The following GALNT10 variants were observed in gnomAD, a reference collection of about 807,000 sequenced individuals.
GALNT10 encodes polypeptide N-acetylgalactosaminyltransferase 10, also known as GalNAc transferase 10.
Under a neutral mutation model 75.0 loss-of-function variants are expected in GALNT10, and 41 were observed. The ratio of observed to expected loss-of-function variants is 0.55; its 90% CI spans 0.43 to 0.71. The LOEUF is 0.71. GALNT10 is among the 30% of genes least tolerant of loss of function. The pLI is 0.00. For missense variants in GALNT10, 727 were observed against 818.5 expected, an observed-to-expected ratio of 0.89 and a Z score of 1.36; for synonymous variants, 302 against 313.0, an observed-to-expected ratio of 0.96 and a Z score of 0.37.
chr5:154,350,471 A>G (rs565582525), intron 4 of GALNT10, among the ~76,000 whole-genome samples: 1 of 152,338 alleles, frequency 6.6e-6, no homozygotes, highest in South Asian at 2.1e-4. Context: ...TAGCAATTCC[A>G]TCTCTAGAGA....
rs148374119 is a variant in GALNT10 at position 154,357,254 on chromosome 5, G to A, written c.569-19023G>A. Among the ~76,000 whole-genome samples, 111 of 152,318 alleles carry A rather than the reference G, an allele frequency of 7.3e-4. 1 individual carries two copies. In the East Asian group the frequency reaches 0.014, roughly 19 times the overall value. ...CAAGGCAGGGGTTAAGTGCAGGAAA[G>A]CCAAGGCTACAGATGGGGATGTATA... On this transcript the variant is annotated intron_variant, in intron 4 of 11. Coordinates refer to ENST00000297107, the MANE Select transcript of GALNT10 (RefSeq NM_198321.4).
At chr5:154,353,399 G>A (rs979234934) in intron 4 of GALNT10, among the ~76,000 whole-genome samples, 13 of 152,300 alleles carry the variant, frequency 8.5e-5, no homozygotes, top group African/African-American at 3.1e-4. Flanking sequence ...GCCACCCAGA[G>A]GAGTGGAGCA....
intron 7 of GALNT10, among the ~76,000 whole-genome samples, chr5:154,390,391 A>T (rs1755875618): frequency 6.6e-6 from 1 of 152,170 alleles, no homozygotes; most frequent in Non-Finnish European, 1.5e-5. Context: ...CTATAACCAG[A>T]TGTACTCTAA....
intron 1 of GALNT10, among the ~76,000 whole-genome samples, chr5:154,271,077 A>G (rs958042518): frequency 4.1e-4 from 62 of 151,940 alleles, no homozygotes; most frequent in African/African-American, 1.3e-3. Context: ...TTAAAAAAGG[A>G]TAAAGTGGAC....
At chr5:154,414,634 C>T (rs749526769) in intron 10 of GALNT10, among the ~76,000 whole-genome samples, 8 of 150,848 alleles carry the variant, frequency 5.3e-5, no homozygotes, top group Non-Finnish European at 8.8e-5. Flanking sequence ...GACACTTTTG[C>T]GGGGTAATGG....
chr5:154,204,836 G>T (rs537406726), intron 1 of GALNT10, among the ~76,000 whole-genome samples: 1 of 152,310 alleles, frequency 6.6e-6, no homozygotes, highest in African/African-American at 2.4e-5. Context: ...GAGTCACCTT[G>T]CTTATTTATT....
intron 1 of GALNT10, among the ~76,000 whole-genome samples, chr5:154,206,726 G>C (rs928011252): frequency 3.9e-5 from 6 of 152,236 alleles, no homozygotes; most frequent in Non-Finnish European, 8.8e-5. Context: ...GAAACTTCAC[G>C]TGTCTGTTAG....
At chr5:154,290,092 T>A (rs1416032565) in intron 1 of GALNT10, among the ~76,000 whole-genome samples, 1 of 71,306 alleles carries the variant, frequency 1.4e-5, no homozygotes, top group Admixed American at 1.1e-4. Context: ...TACTCTGTAA[T>A]TTTTTTTTTT....
chr5:154,278,457 T>A (rs1422786), intron 1 of GALNT10, among the ~76,000 whole-genome samples: 55,067 of 152,108 alleles, frequency 0.36, 11,961 homozygotes, highest in East Asian at 0.76. Context: ...GCTAATATAC[T>A]TTATGAATCA....
chr5:154,403,270 C>A (rs892487890), intron 7 of GALNT10, among the ~76,000 whole-genome samples: 7 of 152,144 alleles, frequency 4.6e-5, no homozygotes, highest in African/African-American at 1.7e-4. Flanking sequence ...CCCAGGCCTC[C>A]CAAGGAGGGT....
intron 1 of GALNT10, among the ~76,000 whole-genome samples, chr5:154,209,900 ATT>A (rs34852083): frequency 6.6e-6 from 1 of 150,916 alleles, no homozygotes; most frequent in Non-Finnish European, 1.5e-5. Flanking sequence ...AATCAAACAC[ATT>A]TTTTTTTTCT....
rs1756570180 is a variant in GALNT10, at chr5:154,418,730, TTC to T, written c.*1760_*1761del. 6.6e-6 allele frequency: 1 copy of T among 152,188 alleles called. No homozygotes were observed. Among genetic ancestry groups the T allele is most frequent in the Admixed American group, 6.5e-5 (1 of 15,290 alleles). The allele number at this position is 152,188 out of a possible 1,614,324, so 9.4% of individuals were successfully genotyped here. On this transcript the variant is annotated 3_prime_UTR_variant, in exon 12 of 12. Coordinates refer to ENST00000297107, the MANE Select transcript of GALNT10 (RefSeq NM_198321.4). Reference sequence around the variant, plus strand: ...GTAGCTGGCGAGGAATTACTTCCACTTCTGGCCCAGCACAAGCCCTGCTTTGG... The same window carrying T: ...GTAGCTGGCGAGGAATTACTTCCACTTGGCCCAGCACAAGCCCTGCTTTGG...
chr5:154,216,985 C>T (rs11744052), intron 1 of GALNT10, among the ~76,000 whole-genome samples: 46,493 of 152,018 alleles, frequency 0.31, 7,804 homozygotes, highest in East Asian at 0.71. Context: ...CCCCGGGAAG[C>T]ACTGCTTTAA....
At chr5:154,250,928 C>T (rs1377560139) in intron 1 of GALNT10, among the ~76,000 whole-genome samples, 2 of 152,118 alleles carry the variant, frequency 1.3e-5, no homozygotes, top group Admixed American at 6.5e-5. Flanking sequence ...AGGCTGTGCC[C>T]TGTATCTGGA....
In GALNT10 at chr5:154,409,436, T is replaced by C. The variant is rs989089903; in HGVS notation, c.1165-105T>C. 3 of 797,980 alleles carry C rather than the reference T, an allele frequency of 3.8e-6. No individual in the cohort carries two copies. The highest frequency in any genetic ancestry group is 6.8e-6 in the Non-Finnish European group (3 of 440,294). The allele number at this position is 797,980 out of a possible 1,614,324, so 49.4% of individuals were successfully genotyped here. Reference sequence around the variant, plus strand: ...TGGGGCTGGGATTTTTGATGGAACATAAAATAAGAAGGGTTGACCTCGACC... The same window carrying C: ...TGGGGCTGGGATTTTTGATGGAACACAAAATAAGAAGGGTTGACCTCGACC... On this transcript the variant is annotated intron_variant, in intron 8 of 11. Transcript: ENST00000297107. The surrounding 1 kb of genome is among the most constrained non-coding windows in gnomAD (Gnocchi z 4.5).
At chr5:154,321,933 C>G (rs1032223531) in intron 3 of GALNT10, among the ~76,000 whole-genome samples, 2 of 152,270 alleles carry the variant, frequency 1.3e-5, no homozygotes, top group Non-Finnish European at 1.5e-5. Context: ...ATGGAATCTT[C>G]CACTTTTTAA....
chr5:154,246,521 T>C (rs1753427251), intron 1 of GALNT10, among the ~76,000 whole-genome samples: 1 of 152,260 alleles, frequency 6.6e-6, no homozygotes, highest in South Asian at 2.1e-4. Context: ...TGAGATGTTA[T>C]CTGATTGTGG....
intron 9 of GALNT10, among the ~76,000 whole-genome samples, chr5:154,411,487 G>A (rs945216767): frequency 2.3e-4 from 35 of 152,318 alleles, no homozygotes; most frequent in African/African-American, 7.0e-4. Flanking sequence ...TGGACACTAC[G>A]GCTGGCCACA....
At chr5:154,319,532 C>A (rs1460596839) in intron 3 of GALNT10, among the ~76,000 whole-genome samples, 6 of 152,232 alleles carry the variant, frequency 3.9e-5, no homozygotes, top group Non-Finnish European at 8.8e-5. Flanking sequence ...GGGGTTAACA[C>A]TCTCTGCTTC....
Sources: gnomAD v4.1 joint callset for allele counts (sites outside exome capture counted in the v4.1 genomes callset) on GRCh38, gnomAD v4.1.1 for gene constraint, Gnocchi (gnomAD v3.1) non-coding constraint, MANE v1.5 for transcripts, NCBI Gene and HGNC (gene_info 2026-07-23, HGNC 2026-07-21) for gene names.